Variants in WDFY2 observed in about 807,000 individuals in gnomAD.
The protein encoded by WDFY2 is WD repeat and FYVE domain-containing protein 2.
A neutral mutation model predicts 56.4 loss-of-function variants in WDFY2; 36 were observed. The ratio of observed to expected loss-of-function variants is 0.64; its 90% CI spans 0.49 to 0.84. WDFY2 has a LOEUF of 0.84. Among genes scored for constraint, WDFY2 ranks in the 40% least tolerant of loss-of-function variants. WDFY2 has a pLI of 0.00. For missense variants in WDFY2, 444 were observed against 512.2 expected, an observed-to-expected ratio of 0.87 and a Z score of 1.29; for synonymous variants, 176 against 183.7, an observed-to-expected ratio of 0.96 and a Z score of 0.34.
chr13:51,635,624 A>G (rs1955033253), intron 1 of WDFY2, among the ~76,000 whole-genome samples: 1 of 152,184 alleles, frequency 6.6e-6, no homozygotes, highest in Non-Finnish European at 1.5e-5. Flanking sequence ...CTTTCGAGTC[A>G]AACTCCCGGG....
At chr13:51,667,517 A>G (rs1184612645) in intron 2 of WDFY2, among the ~76,000 whole-genome samples, 1 of 152,190 alleles carries the variant, frequency 6.6e-6, no homozygotes, top group Non-Finnish European at 1.5e-5. Flanking sequence ...TATTAGTGGT[A>G]TTATAGAATG....
chr13:51,600,815 G>A (rs571110751), intron 1 of WDFY2, among the ~76,000 whole-genome samples: 8 of 152,282 alleles, frequency 5.3e-5, no homozygotes, highest in African/African-American at 1.9e-4. Context: ...TGCCCTTTTC[G>A]TTGGTCATTG....
chr13:51,739,249 C>T, intron 7 of WDFY2, 74 bp downstream of exon 7: 1 of 1,448,724 alleles, frequency 6.9e-7, no homozygotes, highest in African/African-American at 1.4e-5. Flanking sequence ...AGGAGTGCAG[C>T]CCAGTCTGTG....
At chr13:51,587,479 G>A (rs796804275) in intron 1 of WDFY2, 92 of 152,282 alleles carry the variant, frequency 6.0e-4, no homozygotes, top group African/African-American at 2.1e-3. Flanking sequence ...TATTTGTTGA[G>A]TGAATTATAT....
intron 1 of WDFY2, among the ~76,000 whole-genome samples, chr13:51,613,171 T>C (rs79662971): frequency 0.082 from 12,416 of 151,778 alleles, 802 homozygotes; most frequent in East Asian, 0.29. Flanking sequence ...GCATAGCCAC[T>C]GCACTCCAGC....
intron 5 of WDFY2, among the ~76,000 whole-genome samples, chr13:51,725,617 A>AT (rs1952586117): frequency 6.6e-6 from 1 of 151,856 alleles, no homozygotes; most frequent in East Asian, 1.9e-4. Context: ...TTTGTTTTCA[A>AT]TTTGGGGGAT....
chr13:51,602,158 G>A (rs535521730), intron 1 of WDFY2, among the ~76,000 whole-genome samples: 3 of 152,184 alleles, frequency 2.0e-5, no homozygotes, highest in Non-Finnish European at 4.4e-5. Flanking sequence ...TTAATGTGTT[G>A]CATAGCAACA....
chr13:51,701,520 CAAAAAAA>C (rs368134096), intron 3 of WDFY2, among the ~76,000 whole-genome samples: 4 of 79,572 alleles, frequency 5.0e-5, no homozygotes, highest in South Asian at 4.0e-4. Context: ...GATTCCATCT[CAAAAAAA>C]AAAAAAAAAA....
chr13:51,601,940 A>G (rs1173729155), intron 1 of WDFY2, among the ~76,000 whole-genome samples: 1 of 152,222 alleles, frequency 6.6e-6, no homozygotes, highest in Admixed American at 6.5e-5. Flanking sequence ...TACAAATTAA[A>G]TAGAAGAGGG....
rs774055475 is a variant in WDFY2 at position 51,756,425 on chromosome 13, G to T, written c.1027G>T (p.Val343Phe). The part of the protein sequence containing the change: ...PLMGFEFEVR[V>F]CDSCHEAITD... Reference sequence around the variant, plus strand: ...GATGGGCTTCGAGTTTGAAGTGAGGGTCTGTGACAGCTGCCACGAGGCCAT... The same window carrying T: ...GATGGGCTTCGAGTTTGAAGTGAGGTTCTGTGACAGCTGCCACGAGGCCAT... The change falls in exon 10 of 12, where the codon GTC becomes TTC. Residue 343 changes from valine to phenylalanine, a missense_variant. Physicochemically the swap from Val to Phe is conservative, Grantham distance 50 (BLOSUM62 -1). Coordinates refer to ENST00000298125, the MANE Select transcript of WDFY2 (RefSeq NM_052950.4). 1.1e-5 allele frequency: 17 copies of T among 1,613,996 alleles called. No homozygotes were observed. Among genetic ancestry groups the T allele is most frequent in the Non-Finnish European group, 1.4e-5 (16 of 1,180,004 alleles).
chr13:51,647,455 G>A lies in WDFY2; in HGVS notation c.138-13141G>A, dbSNP rs76092617. Among the ~76,000 whole-genome samples, 849 of 152,234 alleles carry A rather than the reference G, an allele frequency of 5.6e-3. 6 individuals are homozygous for A. Among genetic ancestry groups the A allele is most frequent in the African/African-American group, 0.019 (795 of 41,538 alleles). ...ATAAAAAGCGTAAGGTAAAAATATG[G>A]TATTAGAATCTTAGGGGGACTAGGT... On this transcript the variant is annotated intron_variant, in intron 1 of 11. Transcript: ENST00000298125.
intron 1 of WDFY2, 110 bp downstream of exon 1, chr13:51,584,934 C>G (rs1953907494): frequency 1.4e-6 from 2 of 1,448,414 alleles, no homozygotes; most frequent in Non-Finnish European, 1.9e-6. Context: ...ACTTGCTCCC[C>G]CAAGTTTTAT....
chr13:51,719,123 G>A (rs1367855368), intron 4 of WDFY2, 75 bp from the exon 5 acceptor site: 1 of 1,586,014 alleles, frequency 6.3e-7, no homozygotes, highest in Non-Finnish European at 8.6e-7. Context: ...AGAGAATGGT[G>A]CATCTCTGTG....
Position 51,678,641 on chromosome 13 carries a change from G to A in WDFY2, c.279+3398G>A, listed in dbSNP as rs562996881. On this transcript the variant is annotated intron_variant, in intron 3 of 11. Transcript: ENST00000298125. Reference sequence around the variant, plus strand: ...TAAACTTTGCATTTTTATGTCTCATGTATTCTAGCCAACTAACAAATATTT... The same window carrying A: ...TAAACTTTGCATTTTTATGTCTCATATATTCTAGCCAACTAACAAATATTT... Among the ~76,000 whole-genome samples the A allele has an allele frequency of 2.0e-5, 3 of 152,128 alleles. No individual in the cohort carries two copies. The South Asian group carries it at 6.2e-4, about 31-fold the overall frequency.
chr13:51,757,126 C>A (rs1417701192), intron 10 of WDFY2, among the ~76,000 whole-genome samples: 3 of 152,082 alleles, frequency 2.0e-5, no homozygotes, highest in African/African-American at 7.3e-5. Flanking sequence ...TCTTCTCAAT[C>A]CTTCCAGCAC....
At chr13:51,654,991 T>C (rs981158149) in intron 1 of WDFY2, among the ~76,000 whole-genome samples, 1 of 152,182 alleles carries the variant, frequency 6.6e-6, no homozygotes, top group Non-Finnish European at 1.5e-5. Flanking sequence ...TTGGGGGCTG[T>C]AATTTCTTTA....
At chr13:51,657,555 A>G (rs1955532602) in intron 1 of WDFY2, among the ~76,000 whole-genome samples, 2 of 152,210 alleles carry the variant, frequency 1.3e-5, no homozygotes, top group African/African-American at 4.8e-5. Flanking sequence ...TAGAGAATTC[A>G]TCTGTCTTAC....
At chr13:51,728,124 G>C (rs1171609981) in intron 6 of WDFY2, among the ~76,000 whole-genome samples, 7 of 152,140 alleles carry the variant, frequency 4.6e-5, no homozygotes, top group Non-Finnish European at 1.0e-4. Flanking sequence ...AACCCCAGAA[G>C]GCCAAAAAGA....
At chr13:51,675,090 C>A in intron 2 of WDFY2, 80 bp from the exon 3 acceptor site, 3 of 1,296,314 alleles carry the variant, frequency 2.3e-6, no homozygotes, top group Non-Finnish European at 2.2e-6. Flanking sequence ...TACAGCCCCA[C>A]ACTTTTAGCT....
Sources: allele counts gnomAD v4.1 joint callset (sites outside exome capture counted in the v4.1 genomes callset), GRCh38; gene constraint gnomAD v4.1.1; transcripts MANE v1.5; gene names NCBI Gene and HGNC (gene_info 2026-07-23, HGNC 2026-07-21).